NUP188: variants seen among roughly 807,000 people sequenced by gnomAD.
The protein encoded by NUP188 is nucleoporin NUP188.
Under a neutral mutation model 223.0 loss-of-function variants are expected in NUP188, and 97 were observed. The ratio of observed to expected loss-of-function variants is 0.43; its 90% confidence interval spans 0.37 to 0.51. The LOEUF is 0.51. Ranked by LOEUF, NUP188 falls within the 20% of genes least tolerant of loss-of-function variation. The pLI, the probability that NUP188 is intolerant of heterozygous loss-of-function variation, is 0.00. For synonymous variants in NUP188, 869 were observed against 828.0 expected (o/e 1.05, Z -0.85); for missense variants, 1,947 against 2,175.6 (o/e 0.89, Z 2.09).
At chr9:128,994,594 C>G in intron 28 of NUP188, 152 bp downstream of exon 28, 4 of 716,326 alleles carry the variant, frequency 5.6e-6, no homozygotes, top group Non-Finnish European at 7.3e-6. Flanking sequence ...GAAGTGCCAG[C>G]TTTCTGTCCC....
rs1476812127 is a variant in NUP188, at chr9:128,947,711, C to G, written c.-9C>G. On this transcript the variant is annotated 5_prime_UTR_variant, in exon 1 of 44. Transcript: ENST00000372577. ...TGGGGGCGGGGTTAGGGCGAGCGGGCGCGCGAAGATGGCGGCGGCCGCCGG... is the reference window on the plus strand; with the variant it reads ...TGGGGGCGGGGTTAGGGCGAGCGGGGGCGCGAAGATGGCGGCGGCCGCCGG... 1 of 1,465,504 alleles carries G rather than the reference C, an allele frequency of 6.8e-7. No individual in the cohort carries two copies. The highest frequency in any genetic ancestry group is 1.3e-5 in the South Asian group (1 of 74,692). The allele number at this position is 1,465,504 out of a possible 1,614,324, so 90.8% of individuals were successfully genotyped here.
chr9:128,949,093 T>G (rs1332516275), intron 1 of NUP188, 96 bp from the exon 2 acceptor site: 1 of 794,398 alleles, frequency 1.3e-6, no homozygotes, highest in African/African-American at 1.7e-5. Context: ...TATTGAGATT[T>G]TTTGCTTTTA....
Position 129,006,109 on chromosome 9 carries a change from G to T in NUP188, c.4929G>T (p.Gly1643=). 1.2e-6 allele frequency: 2 copies of T among 1,614,112 alleles called. No individual in the cohort carries two copies. The highest frequency in any genetic ancestry group is 1.7e-6 in the Non-Finnish European group (2 of 1,180,036). ...TGGGGCTCAGCACACAGGCAGAAGG[G>T]ACCAGGACGTTAAAGTAAGTGCTCT... ...QAVGLSTQAE[G]TRTLKSLLMF... Residue 1643 remains glycine, a synonymous_variant, in exon 42 of 44, where the codon GGG becomes GGT. Coordinates refer to ENST00000372577, the MANE Select transcript of NUP188 (RefSeq NM_015354.3).
Position 129,001,879 on chromosome 9 carries a change from C to T in NUP188, c.4045-5C>T. On this transcript the variant is annotated splice_polypyrimidine_tract_variant and splice_region_variant and intron_variant, in intron 35 of 43. Transcript: ENST00000372577. Reference sequence around the variant, plus strand: ...ATCTCATTTCCTGTCTTTCCCTCCTCCCAGGGAGCCACAGCAGTGGCTGGA... The same window carrying T: ...ATCTCATTTCCTGTCTTTCCCTCCTTCCAGGGAGCCACAGCAGTGGCTGGA... The T allele has an allele frequency of 1.2e-6, 2 of 1,613,824 alleles. No individual in the cohort carries two copies. Among genetic ancestry groups the T allele is most frequent in the Non-Finnish European group, 1.7e-6 (2 of 1,179,766 alleles).
intron 4 of NUP188, 87 bp from the exon 5 acceptor site, chr9:128,956,865 G>C (rs898826075): frequency 4.9e-5 from 43 of 880,828 alleles, no homozygotes; most frequent in Non-Finnish European, 7.7e-5. Context: ...CAAGTCCTGT[G>C]TTCATTGTAG....
intron 41 of NUP188, 127 bp downstream of exon 41, chr9:129,005,903 G>T: frequency 7.1e-7 from 1 of 1,414,908 alleles, no homozygotes; most frequent in South Asian, 1.3e-5. Context: ...TCTGTAAACT[G>T]AACATGACAG....
At chr9:129,000,834 G>C (rs17481344) in intron 34 of NUP188, among the ~76,000 whole-genome samples, 1 of 151,324 alleles carries the variant, frequency 6.6e-6, no homozygotes, top group South Asian at 2.1e-4. Flanking sequence ...GTCAGGAGAT[G>C]GAGACCATCC....
intron 14 of NUP188, 116 bp from the exon 15 acceptor site, chr9:128,981,146 AAC>A (rs1312885389): frequency 8.8e-6 from 11 of 1,250,660 alleles, no homozygotes; most frequent in African/African-American, 1.5e-5. Context: ...CAGTTCCAAG[AAC>A]AGTCACAGTG....
At chr9:128,996,309 C>T (rs1326006392) in intron 30 of NUP188, among the ~76,000 whole-genome samples, 1 of 152,084 alleles carries the variant, frequency 6.6e-6, no homozygotes, top group Non-Finnish European at 1.5e-5. Context: ...GCCACCACGC[C>T]CAGCTAATTT....
At chr9:128,950,339 C>T (rs1841764832) in intron 2 of NUP188, among the ~76,000 whole-genome samples, 1 of 151,966 alleles carries the variant, frequency 6.6e-6, no homozygotes, top group African/African-American at 2.4e-5. Flanking sequence ...CCTGCCTTAG[C>T]CTCTCAAGGA....
At chr9:128,982,158 T>C (rs950506466) in intron 15 of NUP188, among the ~76,000 whole-genome samples, 6 of 151,936 alleles carry the variant, frequency 3.9e-5, no homozygotes, top group African/African-American at 7.3e-5. Flanking sequence ...TGTTAGCTAC[T>C]AAGAAGAAAG....
In NUP188 at chr9:128,993,266, C is replaced by T. The variant is rs759566844; in HGVS notation, c.2710C>T (p.Arg904Ter). 1.2e-6 allele frequency: 2 copies of T among 1,614,126 alleles called. No homozygotes were observed. Among genetic ancestry groups the T allele is most frequent in the East Asian group, 2.2e-5 (1 of 44,894 alleles). Residue 904 changes from arginine to a stop codon, truncating the protein, a stop_gained, in exon 26 of 44, where the codon CGA becomes TGA. Coordinates refer to ENST00000372577, the MANE Select transcript of NUP188 (RefSeq NM_015354.3). LOFTEE classifies it high-confidence loss of function. ...AAAIRDAFLT[R>*]LQSKIEDMRI... The stretch of plus-strand genomic sequence containing the variant: ...TGCCATTCGTGATGCCTTCCTGACC[C>T]GATTGCAGAGCAAAATTGAGGACAT...
At chr9:128,957,687 A>G (rs1841890606) in intron 5 of NUP188, among the ~76,000 whole-genome samples, 1 of 151,982 alleles carries the variant, frequency 6.6e-6, no homozygotes, top group Non-Finnish European at 1.5e-5. Context: ...GATGGTCTCA[A>G]TCTCCTGACC....
intron 12 of NUP188, among the ~76,000 whole-genome samples, chr9:128,975,980 G>A (rs1307931326): frequency 6.6e-6 from 1 of 151,946 alleles, no homozygotes; most frequent in Admixed American, 6.6e-5. Flanking sequence ...GCGCCACCAT[G>A]TCTGGCTAGT....
chr9:128,962,001 A>G (rs192705093), intron 8 of NUP188, among the ~76,000 whole-genome samples: 271 of 149,042 alleles, frequency 1.8e-3, no homozygotes, highest in African/African-American at 6.5e-3. Flanking sequence ...CAATGGCATG[A>G]TCTTGGCTCA....
At position 128,967,984 on chromosome 9, in the gene NUP188, G is replaced by A. The variant is rs569588256; in HGVS notation, c.586-522G>A. On this transcript the variant is annotated intron_variant, in intron 8 of 43. Transcript: ENST00000372577. Reference sequence around the variant, plus strand: ...AAAAGAAAAGATACATTGGTTGGCTGGGCACAGTGGCTTACGCCTTTAATC... The same window carrying A: ...AAAAGAAAAGATACATTGGTTGGCTAGGCACAGTGGCTTACGCCTTTAATC... Among the ~76,000 whole-genome samples, 4 of 152,196 alleles carry A rather than the reference G, an allele frequency of 2.6e-5. No homozygotes were observed. The South Asian group carries it at 8.3e-4, about 32-fold the overall frequency.
intron 24 of NUP188, among the ~76,000 whole-genome samples, chr9:128,989,032 G>C (rs1842379073): frequency 6.6e-6 from 1 of 151,998 alleles, no homozygotes; most frequent in African/African-American, 2.4e-5. Flanking sequence ...TGGGATTACA[G>C]GCATGAGCCA....
chr9:129,004,948 G>A, intron 38 of NUP188, 199 bp from the exon 39 acceptor site: 1 of 591,012 alleles, frequency 1.7e-6, no homozygotes, highest in Non-Finnish European at 3.0e-6. Context: ...AAGTGGCCAG[G>A]GGAGCATGAG....
At chr9:128,952,398 CA>C (rs939252129) in intron 2 of NUP188, among the ~76,000 whole-genome samples, 3,182 of 60,656 alleles carry the variant, frequency 0.052, 98 homozygotes, top group African/African-American at 0.15. Flanking sequence ...GACTCCGTCT[CA>C]AAAAAAAAAA....
Sources: allele counts gnomAD v4.1 joint callset (sites outside exome capture counted in the v4.1 genomes callset), GRCh38; gene constraint gnomAD v4.1.1; transcripts MANE v1.5; gene names NCBI Gene and HGNC (gene_info 2026-07-23, HGNC 2026-07-21).